RAB40B: variants seen among roughly 807,000 people sequenced by gnomAD.
RAB40B encodes RAB40B, member RAS oncogene family, also known as ras-related protein Rab-40B.
A neutral mutation model predicts 24.0 loss-of-function variants in RAB40B; 21 were observed. That is an observed-to-expected ratio of 0.88 (90% confidence interval 0.62 to 1.26). The LOEUF (loss-of-function observed/expected upper bound fraction) is 1.26. RAB40B is among the 50% of genes most tolerant of loss of function. The pLI is 0.00. For synonymous variants in RAB40B, 167 were observed against 169.8 expected, an observed-to-expected ratio of 0.98 and a Z score of 0.13; for missense variants, 348 against 390.5, an observed-to-expected ratio of 0.89 and a Z score of 0.92.
In RAB40B at chr17:82,658,610, C is replaced by G; in HGVS notation, c.446G>C (p.Gly149Ala). Residue 149 changes from glycine (G) to alanine (A), a missense_variant, in exon 5 of 6, where the codon GGC (glycine) becomes GCC (alanine). Physicochemically the swap from Gly to Ala is moderately conservative, Grantham distance 60. This residue lies in a region of RAB40B where 126 missense variants were observed against 181.0 expected (regional missense o/e 0.70). Coordinates refer to ENST00000571995, the MANE Select transcript of RAB40B (RefSeq NM_006822.3). Reference protein sequence around the residue: ...EQAQAYAERLGVTFFEVSPLC... With the variant: ...EQAQAYAERLAVTFFEVSPLC... ...AGGGCTGACCTCAAAGAAGGTCACG[C>G]CCAGGCGCTCGGCGTAGGCCTGGGC... 1 of 1,613,390 alleles carries G rather than the reference C, an allele frequency of 6.2e-7. No homozygotes were observed.
intron 1 of RAB40B, among the ~76,000 whole-genome samples, chr17:82,665,453 T>C (rs1324597960): frequency 6.6e-6 from 1 of 152,094 alleles, no homozygotes; most frequent in Non-Finnish European, 1.5e-5. Flanking sequence ...GGGGTTTCGC[T>C]ATGTTTCCCA....
chr17:82,668,859 T>TGCAGCCGGCATCTTGGCA (rs1308446564), intron 1 of RAB40B, among the ~76,000 whole-genome samples: 15 of 152,248 alleles, frequency 9.9e-5, no homozygotes, highest in Non-Finnish European at 1.6e-4. Flanking sequence ...ATGCCTCCGC[T>TGCAGCCGGCATCTTGGCA]GCAGCCGGCA....
intron 2 of RAB40B, 164 bp from the exon 3 acceptor site, chr17:82,661,211 A>T (rs2046167986): frequency 5.8e-6 from 8 of 1,391,004 alleles, no homozygotes; most frequent in Non-Finnish European, 7.5e-6. Context: ...CCCTGAAGGG[A>T]TCCGGGTGTT....
chr17:82,672,496 C>T (rs1443628298), intron 1 of RAB40B, among the ~76,000 whole-genome samples: 4 of 152,196 alleles, frequency 2.6e-5, no homozygotes, highest in South Asian at 2.1e-4. Context: ...TGAATGTGTC[C>T]GCTAAACTTC....
At chr17:82,695,860 T>C (rs151072672) in intron 1 of RAB40B, among the ~76,000 whole-genome samples, 1 of 152,224 alleles carries the variant, frequency 6.6e-6, no homozygotes, top group East Asian at 1.9e-4. Context: ...TCAGGCCAAG[T>C]AGACAATAAA....
intron 1 of RAB40B, among the ~76,000 whole-genome samples, chr17:82,665,347 G>A (rs2046242127): frequency 6.6e-6 from 1 of 151,948 alleles, no homozygotes; most frequent in Non-Finnish European, 1.5e-5. Context: ...CCACAGCCCA[G>A]GCTCAAGTGA....
At chr17:82,679,448 A>G (rs2046428112) in intron 1 of RAB40B, among the ~76,000 whole-genome samples, 2 of 148,444 alleles carry the variant, frequency 1.3e-5, no homozygotes, top group African/African-American at 5.0e-5. Context: ...CGCCCAGCTA[A>G]TTTTTTGTAT....
rs1191237022 is a variant in RAB40B at position 82,681,444 on chromosome 17, G to C, written c.143-16888C>G. The stretch of plus-strand genomic sequence containing the variant: ...AGTCAGACACTGGGTAGGGAAAAAA[G>C]CCCCTCTGCTTGGATGAGCACAGCC... On this transcript the variant is annotated intron_variant, in intron 1 of 5. Coordinates refer to ENST00000571995, the MANE Select transcript of RAB40B (RefSeq NM_006822.3). Among the ~76,000 whole-genome samples the C allele has an allele frequency of 2.6e-5, 4 of 152,038 alleles. No individual in the cohort carries two copies. In the East Asian group the frequency reaches 5.8e-4, roughly 22 times the overall value.
At chr17:82,661,257 T>C (rs1167158915) in intron 2 of RAB40B, 3 of 1,337,538 alleles carry the variant, frequency 2.2e-6, no homozygotes, top group East Asian at 5.6e-5. Context: ...TTCTCTGTCA[T>C]TTAAAAAGTC....
rs192012880 is a variant in RAB40B, at chr17:82,690,888, G to A, written c.142+7567C>T. ...GAGACGGAGTGTGCACGTTTGCCCC[G>A]GGGGAGCATGGAGTGGGCACGCATG... On this transcript the variant is annotated intron_variant, in intron 1 of 5. Transcript: ENST00000571995. Among the ~76,000 whole-genome samples, 178 of 152,072 alleles carry A rather than the reference G, an allele frequency of 1.2e-3. 1 individual carries two copies. Among genetic ancestry groups the A allele is most frequent in the Non-Finnish European group, 2.1e-3 (146 of 67,934 alleles).
Position 82,655,950 on chromosome 17 carries a change from CTTT to C in RAB40B, c.*1910_*1912del, listed in dbSNP as rs66478872. The C allele has an allele frequency of 3.5e-4, 47 of 133,040 alleles. No homozygotes were observed. Among genetic ancestry groups the C allele is most frequent in the African/African-American group, 6.1e-4 (22 of 36,040 alleles). 8.2% of individuals were successfully genotyped at this position (133,040 alleles called of 1,614,324 possible). A position where few individuals can be genotyped will look rare whatever the true frequency, so the allele number is the denominator to read the frequency against. ...CCTGATTCTAGGGTCCCTTAAATTT[CTTT>C]TTTTTTTTTTTTTTTAGATGGAGTT... On this transcript the variant is annotated 3_prime_UTR_variant, in exon 6 of 6. Transcript: ENST00000571995.
At chr17:82,684,135 C>A (rs192365555) in intron 1 of RAB40B, among the ~76,000 whole-genome samples, 1 of 150,516 alleles carries the variant, frequency 6.6e-6, no homozygotes, top group Non-Finnish European at 1.5e-5. Flanking sequence ...GCAGGAGAAT[C>A]GCTTGAACCC....
intron 1 of RAB40B, among the ~76,000 whole-genome samples, chr17:82,665,905 A>AC (rs59990353): frequency 7.9e-4 from 118 of 149,230 alleles, no homozygotes; most frequent in South Asian, 5.1e-3. Flanking sequence ...AAAAAAAAAA[A>AC]AAAAAAAAAC....
intron 1 of RAB40B, among the ~76,000 whole-genome samples, chr17:82,665,214 AAAAC>A (rs753006932): frequency 7.3e-5 from 11 of 151,434 alleles, no homozygotes; most frequent in Admixed American, 3.3e-4. Context: ...TTTCAAGTTA[AAAAC>A]AAACAAACAA....
intron 1 of RAB40B, among the ~76,000 whole-genome samples, chr17:82,680,481 T>A (rs2046438649): frequency 6.6e-6 from 1 of 152,180 alleles, no homozygotes; most frequent in East Asian, 1.9e-4. Context: ...TGCCTGACAC[T>A]CTTTGCTTCT....
chr17:82,657,904 G>A lies in RAB40B; in HGVS notation c.796C>T (p.Pro266Ser). 5.6e-6 allele frequency: 9 copies of A among 1,605,682 alleles called. No individual in the cohort carries two copies. Among genetic ancestry groups the A allele is most frequent in the Non-Finnish European group, 7.7e-6 (9 of 1,175,166 alleles). The change falls in exon 6 of 6, where the codon CCC becomes TCC. Residue 266 changes from proline (P) to serine (S), a missense_variant. By Grantham distance (74) the Pro-to-Ser change is moderately conservative (BLOSUM62 -1). This residue lies in a region of RAB40B where 121 missense variants were observed against 124.0 expected (regional missense o/e 0.98). Coordinates refer to ENST00000571995, the MANE Select transcript of RAB40B (RefSeq NM_006822.3). ...CTGTTTCTGGTGCAGTTTTTGGGGGGGCTCTGGGGGGGGCGGACGAGCTTC... is the reference window on the plus strand; with the variant it reads ...CTGTTTCTGGTGCAGTTTTTGGGGGAGCTCTGGGGGGGGCGGACGAGCTTC... ...KVKLVRPPQS[P>S]PKNCTRNSCK...
At chr17:82,678,376 A>G (rs1182077646) in intron 1 of RAB40B, among the ~76,000 whole-genome samples, 3 of 152,226 alleles carry the variant, frequency 2.0e-5, no homozygotes, top group Non-Finnish European at 4.4e-5. Flanking sequence ...ATGTTCACTG[A>G]GTGAGTCAGA....
intron 1 of RAB40B, among the ~76,000 whole-genome samples, chr17:82,674,211 G>T (rs932459828): frequency 6.6e-6 from 1 of 152,054 alleles, no homozygotes; most frequent in Non-Finnish European, 1.5e-5. Context: ...GTGGTGGCGG[G>T]TGCCTGTAAT....
intron 1 of RAB40B, among the ~76,000 whole-genome samples, chr17:82,684,555 G>A (rs563800381): frequency 1.3e-5 from 2 of 152,294 alleles, no homozygotes; most frequent in African/African-American, 2.4e-5. Flanking sequence ...GAGGGTGGGT[G>A]GGTGATGGAC....
Sources: gnomAD v4.1 joint callset for allele counts (sites outside exome capture counted in the v4.1 genomes callset) on GRCh38, gnomAD v4.1.1 for gene constraint, gnomAD v4.1.1 regional missense constraint, MANE v1.5 for transcripts, NCBI Gene and HGNC (gene_info 2026-07-23, HGNC 2026-07-21) for gene names.